The following KCNJ6 variants were observed in gnomAD, a reference collection of about 807,000 sequenced individuals.
KCNJ6 encodes G protein-activated inward rectifier potassium channel 2.
KCNJ6 carries 9 observed loss-of-function variants against 34.2 expected under a neutral mutation model. The observed-to-expected ratio is 0.26, with a 90% CI of 0.16 to 0.46. The LOEUF (loss-of-function observed/expected upper bound fraction) is 0.46, where lower values mean the gene tolerates loss of function less well. KCNJ6 is among the 20% of genes least tolerant of loss of function. The pLI is 1.00. For missense variants in KCNJ6, 236 were observed against 531.3 expected (o/e 0.44, Z 5.46); for synonymous variants, 196 against 207.1 (o/e 0.95, Z 0.46).
chr21:37,840,419 A>T (rs1309203077), intron 2 of KCNJ6, among the ~76,000 whole-genome samples: 2 of 152,188 alleles, frequency 1.3e-5, no homozygotes, highest in Admixed American at 1.3e-4. Flanking sequence ...ATCTATTTTT[A>T]TTCTTCAGCT....
At chr21:37,863,860 G>GTTTTTTTTTTTTTT (rs56800970) in intron 1 of KCNJ6, among the ~76,000 whole-genome samples, 3 of 81,076 alleles carry the variant, frequency 3.7e-5, no homozygotes, top group African/African-American at 9.3e-5. Flanking sequence ...TTTTTTTTTT[G>GTTTTTTTTTTTTTT]TTTTTTTTTT....
intron 2 of KCNJ6, among the ~76,000 whole-genome samples, chr21:37,747,959 G>A (rs1030911256): frequency 6.6e-6 from 1 of 152,220 alleles, no homozygotes; most frequent in African/African-American, 2.4e-5. Flanking sequence ...CCTGGAGACT[G>A]AGTCACAGGG....
chr21:37,658,098 C>G (rs1305897149), intron 3 of KCNJ6, among the ~76,000 whole-genome samples: 6 of 151,062 alleles, frequency 4.0e-5, no homozygotes, highest in African/African-American at 1.2e-4. Context: ...AACAGAATTG[C>G]TTCTAACCTG....
chr21:37,665,668 C>A (rs1439580879), intron 3 of KCNJ6, among the ~76,000 whole-genome samples: 1 of 152,186 alleles, frequency 6.6e-6, no homozygotes, highest in East Asian at 1.9e-4. Flanking sequence ...AGGAACAAGA[C>A]TAAAATACAG....
intron 2 of KCNJ6, among the ~76,000 whole-genome samples, chr21:37,751,211 C>T (rs2123483245): frequency 6.6e-6 from 1 of 152,284 alleles, no homozygotes; most frequent in East Asian, 1.9e-4. Context: ...GTAGCCTTTG[C>T]CCCTAATCTC....
At chr21:37,848,348 T>G (rs540654801) in intron 1 of KCNJ6, among the ~76,000 whole-genome samples, 1 of 152,248 alleles carries the variant, frequency 6.6e-6, no homozygotes, top group Non-Finnish European at 1.5e-5. Flanking sequence ...ATATACTCAG[T>G]TAAAGTTTCT....
In KCNJ6 at chr21:37,731,607, T is replaced by C. The variant is rs142256225; in HGVS notation, c.26-16476A>G. Among the ~76,000 whole-genome samples the C allele has an allele frequency of 2.0e-3, 308 of 152,248 alleles. 1 individual carries two copies. Among genetic ancestry groups the C allele is most frequent in the Non-Finnish European group, 3.7e-3 (250 of 68,016 alleles). ...CTTGCCCAAGGTTACACAGCTGCAA[T>C]TGGGTTTGGTCTTGGGTGATTGCTC... On this transcript the variant is annotated intron_variant, in intron 2 of 3. Coordinates refer to ENST00000609713, the MANE Select transcript of KCNJ6 (RefSeq NM_002240.5).
intron 1 of KCNJ6, among the ~76,000 whole-genome samples, chr21:37,913,092 G>A (rs1415130020): frequency 7.9e-5 from 12 of 152,212 alleles, no homozygotes; most frequent in Non-Finnish European, 2.9e-5. Context: ...TTTCAAATAT[G>A]ACTGTCACCT....
chr21:37,629,579 G>A (rs2054325087), intron 3 of KCNJ6, among the ~76,000 whole-genome samples: 1 of 152,166 alleles, frequency 6.6e-6, no homozygotes. Context: ...ACACACAGAG[G>A]AAAGATTATG....
chr21:37,696,200 T>C (rs1013141797), intron 3 of KCNJ6, among the ~76,000 whole-genome samples: 1 of 152,212 alleles, frequency 6.6e-6, no homozygotes, highest in African/African-American at 2.4e-5. Context: ...AAAGCAAAGT[T>C]TGAGGAGGAA....
intron 3 of KCNJ6, among the ~76,000 whole-genome samples, chr21:37,631,303 A>G (rs1427466114): frequency 6.6e-6 from 1 of 152,226 alleles, no homozygotes; most frequent in Non-Finnish European, 1.5e-5. Context: ...CTTGTGAGTC[A>G]TTAGAAAAGA....
chr21:37,677,895 A>G (rs956750637), intron 3 of KCNJ6, among the ~76,000 whole-genome samples: 1 of 150,520 alleles, frequency 6.6e-6, no homozygotes, highest in Non-Finnish European at 1.5e-5. Flanking sequence ...TCACTCATTC[A>G]TACAGCCAGC....
chr21:37,806,828 C>T (rs1377065447), intron 2 of KCNJ6, among the ~76,000 whole-genome samples: 1 of 151,982 alleles, frequency 6.6e-6, no homozygotes, highest in African/African-American at 2.4e-5. Context: ...ATAAATGAAA[C>T]ATAAAAATAA....
rs148222988 is a variant in KCNJ6, at chr21:37,766,128, T to C, written c.26-50997A>G. Among the ~76,000 whole-genome samples, 83 of 152,304 alleles carry C rather than the reference T, an allele frequency of 5.4e-4. 1 individual carries two copies. The highest frequency in any genetic ancestry group is 1.2e-3 in the Non-Finnish European group (80 of 68,024). ...CCCTCATTCTGCATCCCACACAACA[T>C]GTTCATGAATTTTGTATCTGGAGAA... On this transcript the variant is annotated intron_variant, in intron 2 of 3. Coordinates refer to ENST00000609713, the MANE Select transcript of KCNJ6 (RefSeq NM_002240.5).
At chr21:37,866,147 C>T (rs899760299) in intron 1 of KCNJ6, among the ~76,000 whole-genome samples, 4 of 151,962 alleles carry the variant, frequency 2.6e-5, no homozygotes, top group African/African-American at 9.6e-5. Context: ...TTGAAGCTTC[C>T]CTGAGAAAAG....
At chr21:37,762,254 T>C (rs965747313) in intron 2 of KCNJ6, among the ~76,000 whole-genome samples, 7 of 152,178 alleles carry the variant, frequency 4.6e-5, no homozygotes, top group African/African-American at 1.7e-4. Flanking sequence ...GCACTTAGCA[T>C]CCAGCACAGA....
intron 2 of KCNJ6, among the ~76,000 whole-genome samples, chr21:37,730,204 A>G (rs554388990): frequency 8.5e-5 from 13 of 152,354 alleles, no homozygotes; most frequent in African/African-American, 2.4e-4. Flanking sequence ...CCCACCAGCC[A>G]AGGGACCCGC....
At chr21:37,896,380 T>A (rs2055788185) in intron 1 of KCNJ6, among the ~76,000 whole-genome samples, 1 of 152,130 alleles carries the variant, frequency 6.6e-6, no homozygotes, top group African/African-American at 2.4e-5. Flanking sequence ...CTGAAGCCCT[T>A]CGTAGGGTGC....
At position 37,663,486 on chromosome 21, in the gene KCNJ6, T is replaced by G. The variant is rs371787775; in HGVS notation, c.947-38002A>C. ...AACAAAAAAAAAAAATCCAGCTACA[T>G]ACTGTTTACAAGAGGCACTCCCCAA... On this transcript the variant is annotated intron_variant, in intron 3 of 3. Coordinates refer to ENST00000609713, the MANE Select transcript of KCNJ6 (RefSeq NM_002240.5). Among the ~76,000 whole-genome samples the G allele has an allele frequency of 6.6e-5, 10 of 151,824 alleles. No homozygotes were observed. In the East Asian group the frequency reaches 1.5e-3, roughly 23 times the overall value.
Sources: allele counts gnomAD v4.1 joint callset (sites outside exome capture counted in the v4.1 genomes callset), GRCh38; gene constraint gnomAD v4.1.1; transcripts MANE v1.5; gene names NCBI Gene and HGNC (gene_info 2026-07-23, HGNC 2026-07-21).